The following ASIC2 variants were observed in gnomAD, a reference collection of about 807,000 sequenced individuals.
ASIC2 encodes acid sensing ion channel subunit 2.
In ASIC2, 25 loss-of-function variants were observed where a neutral mutation model predicts 57.3. The observed-to-expected ratio is 0.44, with a 90% CI of 0.32 to 0.61. The LOEUF is 0.61. Ranked by LOEUF, ASIC2 falls within the 20% of genes least tolerant of loss-of-function variation. The probability of loss-of-function intolerance (pLI) is 0.06; values close to 1 mark genes in which losing one functional copy is unlikely to be tolerated. For missense variants in ASIC2, 641 were observed against 738.1 expected (o/e 0.87, Z 1.52); for synonymous variants, 319 against 307.5 (o/e 1.04, Z -0.39).
rs539342241 is a variant in ASIC2 at position 33,698,967 on chromosome 17, G to A, written c.555+457011C>T. Among the ~76,000 whole-genome samples the A allele has an allele frequency of 7.7e-4, 117 of 152,212 alleles. 2 individuals carry two copies. In the South Asian group the frequency reaches 0.024, roughly 32 times the overall value. Reference sequence around the variant, plus strand: ...TATTCAACATTGTCCATATATTTGTGCAAAATGCTGTCTCCTCATTGGGAG... The same window carrying A: ...TATTCAACATTGTCCATATATTTGTACAAAATGCTGTCTCCTCATTGGGAG... On this transcript the variant is annotated intron_variant, in intron 1 of 9. Transcript: ENST00000359872.
chr17:33,883,263 AG>A (rs1455781634), intron 1 of ASIC2, among the ~76,000 whole-genome samples: 4 of 152,180 alleles, frequency 2.6e-5, no homozygotes, highest in African/African-American at 7.2e-5. Context: ...TAATAAAAAA[AG>A]TCTGATGAAT....
intron 3 of ASIC2, chr17:33,052,885 A>G (rs1336538351): frequency 6.6e-6 from 1 of 152,092 alleles, no homozygotes. Context: ...AGATGCGGTA[A>G]AATAGAAGTG....
intron 1 of ASIC2, among the ~76,000 whole-genome samples, chr17:33,748,443 CT>C (rs1486280603): frequency 6.6e-6 from 1 of 152,218 alleles, no homozygotes; most frequent in African/African-American, 2.4e-5. Context: ...CAGTACAGTC[CT>C]TCCTCACAGG....
chr17:33,680,871 A>T (rs555227564), intron 1 of ASIC2: 1 of 152,352 alleles, frequency 6.6e-6, no homozygotes, highest in South Asian at 2.1e-4. Flanking sequence ...CTAAATATAC[A>T]GTAGTTTTTG....
At chr17:33,821,358 C>A (rs182485210) in intron 1 of ASIC2, among the ~76,000 whole-genome samples, 33 of 152,286 alleles carry the variant, frequency 2.2e-4, no homozygotes, top group Admixed American at 2.0e-3. Flanking sequence ...AAAGCCTTCT[C>A]GTCCAAACAC....
At chr17:34,049,736 CT>C (rs1416392306) in intron 1 of ASIC2, among the ~76,000 whole-genome samples, 1 of 152,198 alleles carries the variant, frequency 6.6e-6, no homozygotes, top group African/African-American at 2.4e-5. Flanking sequence ...CTCTATTCAT[CT>C]GATCAATTCT....
intron 3 of ASIC2, among the ~76,000 whole-genome samples, chr17:33,082,918 C>T (rs1459313744): frequency 3.3e-5 from 5 of 152,124 alleles, no homozygotes; most frequent in African/African-American, 9.7e-5. Flanking sequence ...TGTTCATCCA[C>T]TCTTATCTAC....
intron 1 of ASIC2, among the ~76,000 whole-genome samples, chr17:33,897,931 A>G (rs1224668638): frequency 6.6e-6 from 1 of 152,206 alleles, no homozygotes; most frequent in South Asian, 2.1e-4. Flanking sequence ...GATGATGAAT[A>G]TAGGTTATTG....
chr17:33,144,441 C>T (rs1904469605), intron 1 of ASIC2, among the ~76,000 whole-genome samples: 1 of 152,096 alleles, frequency 6.6e-6, no homozygotes, highest in Non-Finnish European at 1.5e-5. Context: ...AGCACTCCAT[C>T]CTGCTTCCAA....
chr17:33,449,035 C>T (rs1912146255), intron 1 of ASIC2, among the ~76,000 whole-genome samples: 1 of 152,098 alleles, frequency 6.6e-6, no homozygotes, highest in South Asian at 2.1e-4. Flanking sequence ...TAATATCTGC[C>T]CAAGGGTACC....
intron 1 of ASIC2, among the ~76,000 whole-genome samples, chr17:33,705,442 A>G (rs1032196911): frequency 3.3e-5 from 5 of 152,200 alleles, no homozygotes; most frequent in African/African-American, 1.2e-4. Context: ...ATCTTTGCAT[A>G]TGTGACAAAA....
intron 1 of ASIC2, among the ~76,000 whole-genome samples, chr17:34,050,471 C>A (rs895308567): frequency 6.6e-6 from 1 of 152,186 alleles, no homozygotes; most frequent in Admixed American, 6.5e-5. Flanking sequence ...CTTGAAAAAT[C>A]TCTTCCCACT....
chr17:33,501,673 G>C (rs1490422449), intron 1 of ASIC2, among the ~76,000 whole-genome samples: 1 of 152,162 alleles, frequency 6.6e-6, no homozygotes, highest in African/African-American at 2.4e-5. Flanking sequence ...CTATCAGCAT[G>C]GTAGAGGCTC....
chr17:33,157,324 C>A (rs772774086), intron 1 of ASIC2, among the ~76,000 whole-genome samples: 1 of 152,186 alleles, frequency 6.6e-6, no homozygotes. Flanking sequence ...TCTCTTTGAT[C>A]TCATCACAAC....
In ASIC2 at chr17:33,751,269, C is replaced by G. The variant is rs144449028; in HGVS notation, c.555+404709G>C. On this transcript the variant is annotated intron_variant, in intron 1 of 9. Transcript: ENST00000359872. ...GCTGCTACCTTGGCTGCATACAGAT[C>G]TGCAGCCGCCCTGACACGGCACCAA... Among the ~76,000 whole-genome samples the G allele has an allele frequency of 2.8e-4, 42 of 152,320 alleles. No individual in the cohort carries two copies. The East Asian group carries it at 7.1e-3, about 26-fold the overall frequency.
intron 1 of ASIC2, among the ~76,000 whole-genome samples, chr17:33,752,500 C>G (rs1003437470): frequency 1.3e-5 from 2 of 152,152 alleles, no homozygotes; most frequent in African/African-American, 4.8e-5. Flanking sequence ...ACAAAGAACT[C>G]TTAAAATTCA....
intron 1 of ASIC2, among the ~76,000 whole-genome samples, chr17:33,477,568 G>T (rs1913270650): frequency 6.6e-6 from 1 of 152,190 alleles, no homozygotes; most frequent in Non-Finnish European, 1.5e-5. Context: ...GCTGACTTAA[G>T]AGGGCAAGGG....
chr17:33,507,349 T>A (rs1228789865), intron 1 of ASIC2, among the ~76,000 whole-genome samples: 1 of 152,214 alleles, frequency 6.6e-6, no homozygotes, highest in Non-Finnish European at 1.5e-5. Context: ...CACCGATAAA[T>A]CATCGCTCTG....
Position 33,167,665 on chromosome 17 carries a change from C to G in ASIC2, c.709-55598G>C, listed in dbSNP as rs148713781. On this transcript the variant is annotated intron_variant, in intron 1 of 9. Transcript: ENST00000225823. The stretch of plus-strand genomic sequence containing the variant: ...AGCACAAACTCCTCATTCTGGCATT[C>G]AAGGTCTTAACCCAATAGTGCGACA... Among the ~76,000 whole-genome samples, 533 of 152,336 alleles carry G rather than the reference C, an allele frequency of 3.5e-3. 2 individuals are homozygous for G. The highest frequency in any genetic ancestry group is 0.012 in the African/African-American group (511 of 41,578).
Sources: allele counts gnomAD v4.1 joint callset (sites outside exome capture counted in the v4.1 genomes callset), GRCh38; gene constraint gnomAD v4.1.1; transcripts MANE v1.5; gene names NCBI Gene and HGNC (gene_info 2026-07-23, HGNC 2026-07-21).